TRRAP: variants seen among roughly 807,000 people sequenced by gnomAD.
TRRAP encodes transformation/transcription domain associated protein.
A neutral mutation model predicts 438.8 loss-of-function variants in TRRAP; 41 were observed. The ratio of observed to expected loss-of-function variants is 0.09; its 90% CI spans 0.07 to 0.12. The LOEUF is 0.12. Among genes scored for constraint, TRRAP ranks in the 10% least tolerant of loss-of-function variants. The probability of loss-of-function intolerance (pLI) is 1.00; values close to 1 mark genes in which losing one functional copy is unlikely to be tolerated. For missense variants in TRRAP, 3,122 were observed against 5,055.1 expected (o/e 0.62, Z 11.60); for synonymous variants, 1,994 against 1,962.9 (o/e 1.02, Z -0.42).
rs1453968469 is a variant in TRRAP at position 98,953,613 on chromosome 7, CAG to C, written c.5730+182_5730+183del. Among the ~76,000 whole-genome samples the C allele has an allele frequency of 2.6e-5, 4 of 150,982 alleles. 1 individual carries two copies. Among genetic ancestry groups the C allele is most frequent in the African/African-American group, 9.7e-5 (4 of 41,060 alleles). ...CATAGGGCACTCAAATTCAGAGAGA[CAG>C]AAAGTAGAATAGAGATTGCGGGGGT... On this transcript the variant is annotated intron_variant, in intron 40 of 72. Transcript: ENST00000456197.
chr7:98,994,628 C>G lies in TRRAP; in HGVS notation c.10089C>G (p.Ser3363=), dbSNP rs1048482022. The G allele has an allele frequency of 6.2e-7, 1 of 1,614,194 alleles. No individual in the cohort carries two copies. The highest frequency in any genetic ancestry group is 8.5e-7 in the Non-Finnish European group (1 of 1,180,044). The change falls in exon 67 of 73, where the codon TCC becomes TCG. Residue 3363 remains serine, a synonymous_variant. Coordinates refer to ENST00000456197, the MANE Select transcript of TRRAP (RefSeq NM_001375524.1). This position sits in a 1 kb window ranked among gnomAD's most constrained non-coding sequence, Gnocchi z 4.8. ...QLQQGLAKCY[S]VAFEKSGAVS... ...AACAGGGCCTGGCGAAATGTTACTC[C>G]GTGGCGTTTGAGAAAAGTGGAGCGG... is the stretch of plus-strand genomic sequence containing the variant.
intron 7 of TRRAP, among the ~76,000 whole-genome samples, chr7:98,896,643 C>T (rs782539292): frequency 2.1e-4 from 32 of 152,110 alleles, no homozygotes; most frequent in Admixed American, 8.5e-4. Context: ...CTCAGCCTCC[C>T]AGAGTGCTGG....
At chr7:98,977,480 T>C (rs556004833) in intron 56 of TRRAP, among the ~76,000 whole-genome samples, 2 of 152,166 alleles carry the variant, frequency 1.3e-5, no homozygotes, top group Admixed American at 1.3e-4. Flanking sequence ...TTTAAATACG[T>C]TTTAAAGCAT....
rs1433690900 is a variant in TRRAP at position 98,879,288 on chromosome 7, A to G, written c.-62+651A>G. On this transcript the variant is annotated intron_variant, in intron 1 of 72. Transcript: ENST00000456197. ...CGTTTCCCCCCGGCCAGGGCCCCCCAGGCTCCGCGGGACCCCGGGAAATGG... is the reference window on the plus strand; with the variant it reads ...CGTTTCCCCCCGGCCAGGGCCCCCCGGGCTCCGCGGGACCCCGGGAAATGG... Among the ~76,000 whole-genome samples the G allele has an allele frequency of 2.0e-5, 3 of 152,306 alleles. No homozygotes were observed. The East Asian group carries it at 5.8e-4, about 30-fold the overall frequency.
At position 98,978,224 on chromosome 7, in the gene TRRAP, A is replaced by T. The variant is rs777409249; in HGVS notation, c.8399A>T (p.Tyr2800Phe). 2 of 1,613,522 alleles carry T rather than the reference A, an allele frequency of 1.2e-6. No individual in the cohort carries two copies. Among genetic ancestry groups the T allele is most frequent in the African/African-American group, 2.7e-5 (2 of 74,918 alleles). ...AACTTTTTTTAGGCACAAGAATCCT[A>T]TGAAAAGGCAATGGATAAAGCCAAA... ...HGFFEQAQES[Y>F]EKAMDKAKKE... Residue 2800 changes from tyrosine (Y) to phenylalanine (F), a missense_variant, in exon 57 of 73, where the codon TAT becomes TTT. By Grantham distance (22) the Tyr-to-Phe change is conservative. Coordinates refer to ENST00000456197, the MANE Select transcript of TRRAP (RefSeq NM_001375524.1).
chr7:98,956,332 C>T lies in TRRAP; in HGVS notation c.6096+28C>T, dbSNP rs782490837. 6 of 1,613,454 alleles carry T rather than the reference C, an allele frequency of 3.7e-6. No homozygotes were observed. Among genetic ancestry groups the T allele is most frequent in the Non-Finnish European group, 4.2e-6 (5 of 1,179,528 alleles). ...AGGGGTGTCAGCCTCAGGGGTGCCC[C>T]GATCGTCTTCCTTTGACTTCTCCCT... On this transcript the variant is annotated intron_variant, in intron 42 of 72. Transcript: ENST00000456197. This position sits in a 1 kb window ranked among gnomAD's most constrained non-coding sequence, Gnocchi z 4.5.
At chr7:98,925,082 A>G in intron 21 of TRRAP, 30 bp from the exon 22 acceptor site, 1 of 1,587,080 alleles carries the variant, frequency 6.3e-7, no homozygotes, top group South Asian at 1.1e-5. Context: ...TTTCAGCACA[A>G]ACTGTAGTTT....
intron 20 of TRRAP, 139 bp from the exon 21 acceptor site, chr7:98,921,614 G>C: frequency 1.8e-6 from 2 of 1,082,630 alleles, no homozygotes; most frequent in Non-Finnish European, 2.7e-6. Flanking sequence ...GACGTCAGGT[G>C]ATCTACCCGC....
At chr7:98,939,379 C>T (rs1022588108) in intron 30 of TRRAP, among the ~76,000 whole-genome samples, 7 of 152,162 alleles carry the variant, frequency 4.6e-5, no homozygotes, top group African/African-American at 1.4e-4. Flanking sequence ...TTTATCTACA[C>T]ATGGAATGTA....
intron 1 of TRRAP, among the ~76,000 whole-genome samples, chr7:98,880,541 C>G (rs1189491787): frequency 6.6e-6 from 1 of 152,064 alleles, no homozygotes; most frequent in Non-Finnish European, 1.5e-5. Flanking sequence ...GGATTCCAGG[C>G]GTGAGCCACT....
chr7:98,964,714 G>A lies in TRRAP; in HGVS notation c.6915G>A (p.Gln2305=). 6.2e-7 allele frequency: 1 copy of A among 1,613,968 alleles called. No individual in the cohort carries two copies. Among genetic ancestry groups the A allele is most frequent in the South Asian group, 1.1e-5 (1 of 91,034 alleles). Residue 2305 remains glutamine (Q), a synonymous_variant, in exon 48 of 73, where the codon CAG becomes CAA. Coordinates refer to ENST00000456197, the MANE Select transcript of TRRAP (RefSeq NM_001375524.1). ...TCTCCGTCTTTATGCGCTCCCTGCAGAAGATGGTCCGGGAGCATTTAAACC... is the reference window on the plus strand; with the variant it reads ...TCTCCGTCTTTATGCGCTCCCTGCAAAAGATGGTCCGGGAGCATTTAAACC... ...RLISVFMRSL[Q]KMVREHLNPQ... is the part of the protein sequence containing the mutation.
At chr7:98,967,189 A>G (rs200888775) in intron 50 of TRRAP, 27 bp downstream of exon 50, 11 of 1,605,776 alleles carry the variant, frequency 6.9e-6, no homozygotes, top group Non-Finnish European at 9.4e-6. Context: ...ATCAAGTACT[A>G]CATATATTGG....
rs756135967 is a variant in TRRAP, at chr7:99,012,182, G to A, written c.11449G>A (p.Asp3817Asn). The A allele has an allele frequency of 3.1e-6, 5 of 1,614,206 alleles. No individual in the cohort carries two copies. In the Admixed American group the frequency reaches 8.3e-5, roughly 27 times the overall value. Reference protein sequence around the residue: ...LSAAGQPENMDSQQLVSLVQK... With the variant: ...LSAAGQPENMNSQQLVSLVQK... ...GGCCGCCGGGCAGCCAGAGAACATG[G>A]ACAGCCAGCAACTGGTGTCCCTGGT... Residue 3817 changes from aspartate (D) to asparagine (N), a missense_variant, in exon 73 of 73, where the codon GAC becomes AAC. Around this residue, in one of 24 missense-constraint regions of TRRAP, gnomAD observed 192 missense variants for 355.6 expected, o/e 0.54. Coordinates refer to ENST00000456197, the MANE Select transcript of TRRAP (RefSeq NM_001375524.1). The surrounding 1 kb of genome is among the most constrained non-coding windows in gnomAD (Gnocchi z 5.9).
intron 47 of TRRAP, 93 bp downstream of exon 47, chr7:98,962,520 T>C: frequency 6.3e-7 from 1 of 1,595,376 alleles, no homozygotes. Context: ...AGGGCTCCGG[T>C]TGTTGGGCAG....
At position 98,965,779 on chromosome 7, in the gene TRRAP, A is replaced by T. The variant is rs1792125397; in HGVS notation, c.7060A>T (p.Ile2354Phe). Residue 2354 changes from isoleucine (I) to phenylalanine (F), a missense_variant, in exon 49 of 73, where the codon ATC (isoleucine) becomes TTC (phenylalanine). Coordinates refer to ENST00000456197, the MANE Select transcript of TRRAP (RefSeq NM_001375524.1). ...VMSMEMRKNFIQAILTSLIEK... is the reference protein window; with the variant it reads ...VMSMEMRKNFFQAILTSLIEK... ...GAGCATGGAGATGCGGAAGAACTTC[A>T]TCCAGGCCATCCTGACATCCCTCAT... 6.2e-7 allele frequency: 1 copy of T among 1,614,050 alleles called. No individual in the cohort carries two copies. Among genetic ancestry groups the T allele is most frequent in the African/African-American group, 1.3e-5 (1 of 74,920 alleles).
chr7:98,881,250 C>G lies in TRRAP; in HGVS notation c.100C>G (p.Pro34Ala), dbSNP rs782532010. Residue 34 changes from proline to alanine, a missense_variant and splice_region_variant, in exon 2 of 73, where the codon CCT becomes GCT. Transcript: ENST00000456197. ...FVAALTDVNT[P>A]DETKLKMMQE... ...GGCAGCTCTCACAGATGTGAATACACGTGAGTTGATCCTTTTTATCATTAA... is the reference window on the plus strand; with the variant it reads ...GGCAGCTCTCACAGATGTGAATACAGGTGAGTTGATCCTTTTTATCATTAA... The G allele has an allele frequency of 6.3e-7, 1 of 1,596,326 alleles. No homozygotes were observed. Among genetic ancestry groups the G allele is most frequent in the Non-Finnish European group, 8.5e-7 (1 of 1,170,504 alleles).
At chr7:98,977,362 A>G (rs1234088385) in intron 56 of TRRAP, among the ~76,000 whole-genome samples, 2 of 152,126 alleles carry the variant, frequency 1.3e-5, no homozygotes. Flanking sequence ...GGGTTTTGCC[A>G]TGTTGGCCGT....
intron 5 of TRRAP, 45 bp downstream of exon 5, chr7:98,892,573 C>A: frequency 7.0e-7 from 1 of 1,438,132 alleles, no homozygotes; most frequent in Non-Finnish European, 9.5e-7. Context: ...GTATGTAAAA[C>A]TTTCACTGAT....
intron 27 of TRRAP, among the ~76,000 whole-genome samples, chr7:98,934,979 G>A (rs1253807712): frequency 6.6e-6 from 1 of 152,096 alleles, no homozygotes; most frequent in Non-Finnish European, 1.5e-5. Flanking sequence ...AGTTTTCCAG[G>A]ATGTGAATGA....
Sources: allele counts gnomAD v4.1 joint callset (sites outside exome capture counted in the v4.1 genomes callset), GRCh38; gene constraint gnomAD v4.1.1; regional missense constraint gnomAD v4.1.1; non-coding constraint Gnocchi (gnomAD v3.1); transcripts MANE v1.5; gene names NCBI Gene and HGNC (gene_info 2026-07-23, HGNC 2026-07-21).